Variants in PPP4R4 observed in about 807,000 individuals in gnomAD.
PPP4R4 encodes the protein protein phosphatase 4 regulatory subunit 4.
A neutral mutation model predicts 121.8 loss-of-function variants in PPP4R4; 70 were observed. The ratio of observed to expected loss-of-function variants is 0.57; its 90% CI spans 0.47 to 0.70. The LOEUF (loss-of-function observed/expected upper bound fraction) is 0.70, where lower values mean the gene tolerates loss of function less well. Ranked by LOEUF, PPP4R4 falls within the 30% of genes least tolerant of loss-of-function variation. The probability of loss-of-function intolerance (pLI) is 0.00; values close to 1 mark genes in which losing one functional copy is unlikely to be tolerated. For missense variants in PPP4R4, 875 were observed against 1,033.6 expected, an observed-to-expected ratio of 0.85 and a Z score of 2.10; for synonymous variants, 348 against 355.7, an observed-to-expected ratio of 0.98 and a Z score of 0.24.
Position 94,231,334 on chromosome 14 carries a change from CAAATACTAATAA to C in PPP4R4, c.516+20_516+31del, listed in dbSNP as rs1229588295. ...GCATGAGGTAATACTTTCATGGGGG[CAAATACTAATAA>C]GTAAGTCACTCTAAGGTTTTTTTTT... On this transcript the variant is annotated intron_variant, in intron 5 of 24. Coordinates refer to ENST00000304338, the MANE Select transcript of PPP4R4 (RefSeq NM_058237.2). 4 of 1,567,534 alleles carry C rather than the reference CAAATACTAATAA, an allele frequency of 2.6e-6. No homozygotes were observed. Among genetic ancestry groups the C allele is most frequent in the Middle Eastern group, 1.7e-4 (1 of 5,952 alleles).
At chr14:94,251,681 TCTAA>T (rs1249356343) in intron 15 of PPP4R4, 64 bp from the exon 16 acceptor site, 335 of 1,294,332 alleles carry the variant, frequency 2.6e-4, no homozygotes, top group Middle Eastern at 2.8e-4. Flanking sequence ...ATTTTGTGTG[TCTAA>T]CTTTGTCACT....
intron 3 of PPP4R4, among the ~76,000 whole-genome samples, chr14:94,229,454 G>T (rs957752450): frequency 6.6e-6 from 1 of 152,062 alleles, no homozygotes; most frequent in African/African-American, 2.4e-5. Context: ...AGGAGGAGCA[G>T]GTTTTAGGGA....
chr14:94,231,262 G>A lies in PPP4R4; in HGVS notation c.463G>A (p.Glu155Lys). 1 of 1,612,292 alleles carries A rather than the reference G, an allele frequency of 6.2e-7. No individual in the cohort carries two copies. Among genetic ancestry groups the A allele is most frequent in the Non-Finnish European group, 8.5e-7 (1 of 1,178,706 alleles). ...ACCAGGTGTCAGCAATGCATGGCTG[G>A]AAACTCTTCTGTCTGTTATAGAAGT... Reference protein sequence around the residue: ...RDTGVSNAWLETLLSVIEVLP... With the variant: ...RDTGVSNAWLKTLLSVIEVLP... Residue 155 changes from glutamate (E) to lysine (K), a missense_variant, in exon 5 of 25, where the codon GAA (glutamate) becomes AAA (lysine). Physicochemically the swap from Glu to Lys is moderately conservative, Grantham distance 56 (BLOSUM62 1). Transcript: ENST00000304338.
chr14:94,199,501 T>G (rs1890053292), intron 2 of PPP4R4, among the ~76,000 whole-genome samples: 1 of 152,184 alleles, frequency 6.6e-6, no homozygotes, highest in Non-Finnish European at 1.5e-5. Flanking sequence ...ATTAGACCCT[T>G]GCCTTATTGC....
At chr14:94,250,128 A>G (rs1167290852) in intron 14 of PPP4R4, 44 bp from the exon 15 acceptor site, 9 of 1,301,558 alleles carry the variant, frequency 6.9e-6, no homozygotes, top group African/African-American at 1.5e-5. Flanking sequence ...TATCTAGACT[A>G]GAATTAGCCT....
chr14:94,237,630 G>C lies in PPP4R4; in HGVS notation c.797G>C (p.Ser266Thr). The C allele has an allele frequency of 6.2e-7, 1 of 1,612,032 alleles. No individual in the cohort carries two copies. The highest frequency in any genetic ancestry group is 8.5e-7 in the Non-Finnish European group (1 of 1,178,064). The change falls in exon 8 of 25, where the codon AGT becomes ACT. Residue 266 changes from serine to threonine, a missense_variant. Ser to Thr is a moderately conservative substitution (Grantham distance 58, BLOSUM62 1). Coordinates refer to ENST00000304338, the MANE Select transcript of PPP4R4 (RefSeq NM_058237.2). ...LIELSRDEGS[S>T]VRLAAFETLV... ...GAACTTTCTAGGGATGAAGGCAGCA[G>C]TGTACGACTTGCAGCTTTTGAAACT...
At chr14:94,244,280 A>G (rs1426066007) in intron 11 of PPP4R4, among the ~76,000 whole-genome samples, 2 of 152,210 alleles carry the variant, frequency 1.3e-5, no homozygotes, top group African/African-American at 2.4e-5. Flanking sequence ...GAACACTTGT[A>G]TGCCTAGGAT....
chr14:94,257,216 G>A (rs1029566722), intron 17 of PPP4R4, among the ~76,000 whole-genome samples: 1 of 152,022 alleles, frequency 6.6e-6, no homozygotes, highest in African/African-American at 2.4e-5. Flanking sequence ...CTTTGGAGAT[G>A]TTGGAAAAAC....
chr14:94,256,338 C>G (rs1269242215), intron 16 of PPP4R4, 122 bp from the exon 17 acceptor site: 1 of 757,928 alleles, frequency 1.3e-6, no homozygotes, highest in Admixed American at 3.1e-5. Context: ...AATAGACACT[C>G]CATGAATATA....
rs1888548915 is a variant in PPP4R4 at position 94,174,505 on chromosome 14, C to T, written c.40C>T (p.Gln14Ter). ...PPPAAAMDFS[Q>*]NSLFGYMEDL... ...GCCCGCCGCCGCGATGGATTTCAGTCAGAACAGCCTGTTCGGTTACATGGA... is the reference window on the plus strand; with the variant it reads ...GCCCGCCGCCGCGATGGATTTCAGTTAGAACAGCCTGTTCGGTTACATGGA... The change falls in exon 1 of 25, where the codon CAG becomes TAG. Residue 14 changes from glutamine (Q) to a stop codon, truncating the protein, a stop_gained. Transcript: ENST00000304338. LOFTEE classifies it high-confidence loss of function. 1 of 1,611,176 alleles carries T rather than the reference C, an allele frequency of 6.2e-7. No homozygotes were observed. Among genetic ancestry groups the T allele is most frequent in the Non-Finnish European group, 8.5e-7 (1 of 1,178,770 alleles).
chr14:94,199,497 C>T (rs1019784636), intron 2 of PPP4R4, among the ~76,000 whole-genome samples: 13 of 152,230 alleles, frequency 8.5e-5, no homozygotes, highest in South Asian at 4.2e-4. Context: ...CTCAATTAGA[C>T]CCTTGCCTTA....
intron 7 of PPP4R4, 55 bp downstream of exon 7, chr14:94,234,724 G>T: frequency 8.0e-7 from 1 of 1,246,276 alleles, no homozygotes; most frequent in Non-Finnish European, 1.2e-6. Context: ...CCATTGAAAG[G>T]CTGTATTTGA....
At chr14:94,183,131 A>C (rs1358267943) in intron 2 of PPP4R4, among the ~76,000 whole-genome samples, 1 of 152,154 alleles carries the variant, frequency 6.6e-6, no homozygotes, top group Non-Finnish European at 1.5e-5. Context: ...GTCTCTTAGG[A>C]GATGAGGCAT....
At chr14:94,233,897 C>G in intron 6 of PPP4R4, 138 bp downstream of exon 6, 2 of 624,914 alleles carry the variant, frequency 3.2e-6, no homozygotes, top group Non-Finnish European at 2.7e-6. Flanking sequence ...TTATGGAATT[C>G]TCATGACGAA....
rs1320238436 is a variant in PPP4R4, at chr14:94,279,720, CAT to C, written c.*1079_*1080del. The C allele has an allele frequency of 6.6e-6, 1 of 152,524 alleles. No homozygotes were observed. Among genetic ancestry groups the C allele is most frequent in the Non-Finnish European group, 1.5e-5 (1 of 68,008 alleles). The allele number at this position is 152,524 out of a possible 1,614,324, so 9.4% of individuals were successfully genotyped here. ...AATAATGAATTTACTCAAAATAAAA[CAT>C]AGGTTAATGAGATACCTGTGTTTGT... is the stretch of plus-strand genomic sequence containing the variant. On this transcript the variant is annotated 3_prime_UTR_variant, in exon 25 of 25. Coordinates refer to ENST00000304338, the MANE Select transcript of PPP4R4 (RefSeq NM_058237.2).
intron 9 of PPP4R4, 79 bp from the exon 10 acceptor site, chr14:94,241,709 T>G: frequency 8.8e-7 from 1 of 1,136,006 alleles, no homozygotes; most frequent in East Asian, 2.5e-5. Context: ...CCAATTATAT[T>G]TTTATTGTAC....
intron 4 of PPP4R4, 114 bp downstream of exon 4, chr14:94,230,848 C>A: frequency 8.1e-7 from 1 of 1,228,090 alleles, no homozygotes; most frequent in Non-Finnish European, 1.1e-6. Flanking sequence ...GGCCATGCTG[C>A]CTAGGAGTTG....
In PPP4R4 at chr14:94,279,606, T is replaced by G. The variant is rs1011709508; in HGVS notation, c.*963T>G. On this transcript the variant is annotated 3_prime_UTR_variant, in exon 25 of 25. Transcript: ENST00000304338. ...CTATATTGATATTAGAAGATATTTGTTTTTTAAAATATATTGATGTATGAT... is the reference window on the plus strand; with the variant it reads ...CTATATTGATATTAGAAGATATTTGGTTTTTAAAATATATTGATGTATGAT... The G allele has an allele frequency of 3.9e-5, 6 of 152,748 alleles. No individual in the cohort carries two copies. Among genetic ancestry groups the G allele is most frequent in the African/African-American group, 1.4e-4 (6 of 41,566 alleles). The allele number at this position is 152,748 out of a possible 1,614,324, so 9.5% of individuals were successfully genotyped here.
chr14:94,250,172 A>G lies in PPP4R4; in HGVS notation c.1612A>G (p.Asn538Asp), dbSNP rs1893102539. Residue 538 changes from asparagine (N) to aspartate (D), a missense_variant and splice_region_variant, in exon 15 of 25, where the codon AAT becomes GAT. Coordinates refer to ENST00000304338, the MANE Select transcript of PPP4R4 (RefSeq NM_058237.2). ...TGTCTGTCTTACTTACTTCTTCAAG[A>G]ATGTTTTACCTGTCCAAAAGGCGGC... ...QRMFTIMMTN[N>D]VLPVQKAASR... is the part of the protein sequence containing the mutation. 1 of 1,597,296 alleles carries G rather than the reference A, an allele frequency of 6.3e-7. No homozygotes were observed. The highest frequency in any genetic ancestry group is 1.7e-5 in the Admixed American group (1 of 59,956).
Sources: gnomAD v4.1 joint callset for allele counts (sites outside exome capture counted in the v4.1 genomes callset) on GRCh38, gnomAD v4.1.1 for gene constraint, MANE v1.5 for transcripts, NCBI Gene and HGNC (gene_info 2026-07-23, HGNC 2026-07-21) for gene names.